The following SQSTM1 variants were observed in gnomAD, a reference collection of about 807,000 sequenced individuals.
SQSTM1 encodes the protein sequestosome-1.
A neutral mutation model predicts 45.1 loss-of-function variants in SQSTM1; 36 were observed. The ratio of observed to expected loss-of-function variants is 0.80; its 90% CI spans 0.61 to 1.05. The LOEUF is 1.05. Ranked by LOEUF, SQSTM1 falls within the 50% of genes least tolerant of loss-of-function variation. The pLI is 0.00. For missense variants in SQSTM1, 617 were observed against 607.1 expected (o/e 1.02, Z -0.17); for synonymous variants, 290 against 244.3 (o/e 1.19, Z -1.74).
Position 179,833,076 on chromosome 5 carries a change from C to T in SQSTM1, c.799C>T (p.Arg267Cys), listed in dbSNP as rs138928957. ...TGTGGAGCACGGAGGGAAAAGAAGC[C>T]GCCTGACCCCCGTCTCTCCAGAGAG... ...IDVEHGGKRS[R>C]LTPVSPESSS... Residue 267 changes from arginine (R) to cysteine (C), a missense_variant, in exon 6 of 8, where the codon CGC becomes TGC. Coordinates refer to ENST00000389805, the MANE Select transcript of SQSTM1 (RefSeq NM_003900.5). 2.0e-5 allele frequency: 33 copies of T among 1,614,048 alleles called. No homozygotes were observed. The highest frequency in any genetic ancestry group is 4.0e-5 in the African/African-American group (3 of 74,902).
chr5:179,810,068 G>A (rs1449615806), intron 1 of SQSTM1, among the ~76,000 whole-genome samples: 1 of 152,158 alleles, frequency 6.6e-6, no homozygotes, highest in Non-Finnish European at 1.5e-5. Flanking sequence ...ACAGGCGTGA[G>A]CCAACGCACC....
At chr5:179,820,888 C>A, upstream of SQSTM1, 1 of 1,430,546 alleles carries the variant, frequency 7.0e-7, no homozygotes, top group Non-Finnish European at 9.2e-7. Flanking sequence ...AAAAGCCGCG[C>A]GGCGGCTGCG....
intron 1 of SQSTM1, chr5:179,807,495 G>A (rs1460374936): frequency 6.6e-6 from 1 of 152,206 alleles, no homozygotes; most frequent in Non-Finnish European, 1.5e-5. Flanking sequence ...GAACCGTACC[G>A]GCTTCCCGGG....
upstream of SQSTM1, chr5:179,820,901 C>T (rs762386326): frequency 1.6e-5 from 23 of 1,470,496 alleles, no homozygotes; most frequent in African/African-American, 1.7e-4. Flanking sequence ...CGGCTGCGAC[C>T]GGGACGGCCC....
intron 7 of SQSTM1, among the ~76,000 whole-genome samples, chr5:179,834,788 C>CT (rs1343321856): frequency 2.6e-5 from 4 of 152,232 alleles, no homozygotes; most frequent in Non-Finnish European, 5.9e-5. Flanking sequence ...AATGAAAAGT[C>CT]TCCCATGTCT....
chr5:179,837,924 C>T lies in SQSTM1; in HGVS notation c.*1331C>T, dbSNP rs1395443339. 6.3e-7 allele frequency: 1 copy of T among 1,578,242 alleles called. No individual in the cohort carries two copies. Among genetic ancestry groups the T allele is most frequent in the Non-Finnish European group, 8.6e-7 (1 of 1,166,392 alleles). ...TGGCCATGCCCTCCATGTGTAAGAA[C>T]AATGCCAGGGCCCAGGAGGACCGCC... On this transcript the variant is annotated 3_prime_UTR_variant, in exon 8 of 8. Transcript: ENST00000389805.
chr5:179,830,119 A>AAAC (rs1273024029), intron 5 of SQSTM1, among the ~76,000 whole-genome samples: 19 of 92,368 alleles, frequency 2.1e-4, no homozygotes, highest in Non-Finnish European at 3.4e-4. Flanking sequence ...AAACAAAACA[A>AAAC]AACAAAACAA....
Position 179,836,744 on chromosome 5 carries a change from C to A in SQSTM1, c.*151C>A. 1 of 1,180,458 alleles carries A rather than the reference C, an allele frequency of 8.5e-7. No individual in the cohort carries two copies. Among genetic ancestry groups the A allele is most frequent in the Non-Finnish European group, 1.3e-6 (1 of 799,760 alleles). 73.1% of individuals were successfully genotyped at this position (1,180,458 alleles called of 1,614,324 possible). ...CAAGAAGCCATTTAGGGCAGCAAAA[C>A]AAGTGACATGAAGGGAGGGTCCCTG... On this transcript the variant is annotated 3_prime_UTR_variant, in exon 8 of 8. Coordinates refer to ENST00000389805, the MANE Select transcript of SQSTM1 (RefSeq NM_003900.5).
chr5:179,831,518 T>C (rs956856751), intron 5 of SQSTM1, among the ~76,000 whole-genome samples: 10 of 151,908 alleles, frequency 6.6e-5, no homozygotes, highest in South Asian at 4.2e-4. Flanking sequence ...AAAAATTAGC[T>C]GGGCGTGGTG....
At chr5:179,819,955 G>A (rs1244056560), upstream of SQSTM1, 12 of 152,492 alleles carry the variant, frequency 7.9e-5, no homozygotes, top group Admixed American at 6.5e-4. Flanking sequence ...GAAATGGCAT[G>A]AGTTGGACCC....
At chr5:179,811,835 T>C (rs889932931) in intron 2 of SQSTM1, among the ~76,000 whole-genome samples, 2 of 152,004 alleles carry the variant, frequency 1.3e-5, no homozygotes, top group African/African-American at 4.8e-5. Flanking sequence ...CGAACGGCGG[T>C]TCTCTGTCGC....
intron 7 of SQSTM1, chr5:179,835,174 C>G: frequency 4.8e-6 from 1 of 206,434 alleles, no homozygotes; most frequent in South Asian, 5.5e-5. Context: ...GATGGGTGGC[C>G]GGGCAGAGAC....
intron 7 of SQSTM1, chr5:179,836,084 C>T: frequency 2.5e-6 from 1 of 395,794 alleles, no homozygotes; most frequent in East Asian, 5.2e-5. Context: ...TATTTCAATG[C>T]CCCATCATCT....
chr5:179,833,851 T>A, intron 7 of SQSTM1, 69 bp downstream of exon 7: 1 of 1,530,878 alleles, frequency 6.5e-7, no homozygotes, highest in Non-Finnish European at 9.0e-7. Context: ...CTCCTCTGAT[T>A]TCAGCGACAC....
At chr5:179,826,496 C>T (rs11956358) in intron 5 of SQSTM1, among the ~76,000 whole-genome samples, 2,629 of 151,892 alleles carry the variant, frequency 0.017, 98 homozygotes, top group African/African-American at 0.061. Flanking sequence ...GCGGCAGTGA[C>T]ATCTTGGCAT....
intron 5 of SQSTM1, among the ~76,000 whole-genome samples, chr5:179,829,018 G>A (rs1398450117): frequency 2.0e-5 from 3 of 152,138 alleles, no homozygotes; most frequent in Non-Finnish European, 2.9e-5. Context: ...GGGAGTGATC[G>A]GGGGACAGGA....
chr5:179,833,743 G>C lies in SQSTM1; in HGVS notation c.1126G>C (p.Gly376Arg). Residue 376 changes from glycine (G) to arginine (R), a missense_variant, in exon 7 of 8, where the codon GGG becomes CGG. Transcript: ENST00000389805. ...SLDPSQEGPT[G>R]LKEAALYPHL... is the part of the protein sequence containing the mutation. ...GGACCCCTCCCAGGAGGGACCCACAGGGCTGAAGGAAGCTGCCTTGTACCC... is the reference window on the plus strand; with the variant it reads ...GGACCCCTCCCAGGAGGGACCCACACGGCTGAAGGAAGCTGCCTTGTACCC... 6.2e-7 allele frequency: 1 copy of C among 1,614,128 alleles called. No individual in the cohort carries two copies. Among genetic ancestry groups the C allele is most frequent in the Non-Finnish European group, 8.5e-7 (1 of 1,180,020 alleles).
chr5:179,834,668 G>C (rs269450), intron 7 of SQSTM1, among the ~76,000 whole-genome samples: 1 of 152,050 alleles, frequency 6.6e-6, no homozygotes, highest in Non-Finnish European at 1.5e-5. Flanking sequence ...ATCTTGCACC[G>C]CCCTTAATCC....
At chr5:179,831,263 ACT>A (rs1758202908) in intron 5 of SQSTM1, among the ~76,000 whole-genome samples, 3 of 152,196 alleles carry the variant, frequency 2.0e-5, no homozygotes, top group Admixed American at 1.3e-4. Flanking sequence ...AGCAAGCGGC[ACT>A]CTCTATGGAA....
Sources: gnomAD v4.1 joint callset for allele counts (sites outside exome capture counted in the v4.1 genomes callset) on GRCh38, gnomAD v4.1.1 for gene constraint, MANE v1.5 for transcripts, NCBI Gene and HGNC (gene_info 2026-07-23, HGNC 2026-07-21) for gene names.